LINGO2: variants seen among roughly 807,000 people sequenced by gnomAD.
LINGO2 encodes the protein leucine-rich repeat and immunoglobulin-like domain-containing nogo receptor-interacting protein 2.
Under a neutral mutation model 30.6 loss-of-function variants are expected in LINGO2, and 14 were observed. The observed-to-expected ratio is 0.46, with a 90% CI of 0.30 to 0.72. LINGO2 has a LOEUF of 0.72. Ranked by LOEUF, LINGO2 falls within the 30% of genes least tolerant of loss-of-function variation. LINGO2 has a pLI of 0.07. For missense variants in LINGO2, 729 were observed against 751.7 expected (o/e 0.97, Z 0.35); for synonymous variants, 317 against 288.5 (o/e 1.10, Z -1.00).
At chr9:29,004,439 A>T in the LINGO2 span, among the ~76,000 whole-genome samples, 1 of 151,962 alleles carries the variant, frequency 6.6e-6, no homozygotes, top group Non-Finnish European at 1.5e-5. Context: ...GTATTGAGAA[A>T]TGCCACAAGT....
chr9:28,600,650 T>C (rs1283442839), intron 1 of LINGO2, among the ~76,000 whole-genome samples: 1 of 152,050 alleles, frequency 6.6e-6, no homozygotes, highest in Non-Finnish European at 1.5e-5. Flanking sequence ...AAGGTCAAAA[T>C]GAGCTACAAA....
intron 1 of LINGO2, among the ~76,000 whole-genome samples, chr9:28,622,952 A>G (rs1453083591): frequency 1.3e-5 from 2 of 151,934 alleles, no homozygotes; most frequent in East Asian, 3.9e-4. Flanking sequence ...GATGTCAAGC[A>G]CCTTATTATA....
the LINGO2 span, among the ~76,000 whole-genome samples, chr9:28,959,714 A>T: frequency 3.3e-5 from 5 of 151,974 alleles, no homozygotes; most frequent in African/African-American, 1.2e-4. Flanking sequence ...CTGAATAGTG[A>T]CAAACAGAAT....
At chr9:28,486,804 T>C (rs980062638) in intron 1 of LINGO2, among the ~76,000 whole-genome samples, 1 of 151,944 alleles carries the variant, frequency 6.6e-6, no homozygotes, top group African/African-American at 2.4e-5. Flanking sequence ...AAAATAATAA[T>C]AAAATAGTGA....
chr9:28,593,698 A>T (rs1018342733), intron 1 of LINGO2, among the ~76,000 whole-genome samples: 1 of 136,640 alleles, frequency 7.3e-6, no homozygotes, highest in African/African-American at 2.6e-5. Context: ...TCATTTCACC[A>T]GAAAGTACTG....
the LINGO2 span, among the ~76,000 whole-genome samples, chr9:28,828,742 G>C: frequency 6.6e-6 from 1 of 152,070 alleles, no homozygotes; most frequent in African/African-American, 2.4e-5. Flanking sequence ...CAGAAGTATG[G>C]GTCTGAAAAT....
chr9:28,179,357 C>G (rs1206063517), intron 4 of LINGO2, among the ~76,000 whole-genome samples: 2 of 104,268 alleles, frequency 1.9e-5, no homozygotes, highest in African/African-American at 6.9e-5. Context: ...TATGTATATA[C>G]TATATGTATG....
At chr9:28,544,054 T>C (rs1244547631) in intron 1 of LINGO2, among the ~76,000 whole-genome samples, 1 of 151,814 alleles carries the variant, frequency 6.6e-6, no homozygotes, top group Non-Finnish European at 1.5e-5. Context: ...AATACAAAAA[T>C]TAGCTGGGCA....
At chr9:28,986,172 C>T in the LINGO2 span, among the ~76,000 whole-genome samples, 3 of 151,702 alleles carry the variant, frequency 2.0e-5, no homozygotes, top group African/African-American at 7.3e-5. Flanking sequence ...ACTGTATATG[C>T]CTTGGTTCAT....
At chr9:29,210,691 C>T in the LINGO2 span, among the ~76,000 whole-genome samples, 1 of 152,146 alleles carries the variant, frequency 6.6e-6, no homozygotes, top group Admixed American at 6.5e-5. Context: ...ATTCCCACTA[C>T]AGTAAAATTA....
the LINGO2 span, among the ~76,000 whole-genome samples, chr9:28,890,652 C>A: frequency 1.3e-5 from 2 of 152,020 alleles, no homozygotes; most frequent in African/African-American, 2.4e-5. Context: ...ATAACCTCCT[C>A]ATTATGTGGC....
chr9:28,608,955 G>A (rs991161748), intron 1 of LINGO2, among the ~76,000 whole-genome samples: 1 of 151,888 alleles, frequency 6.6e-6, no homozygotes, highest in African/African-American at 2.4e-5. Flanking sequence ...TTTGGTTTTT[G>A]GGTGGATTTT....
intron 3 of LINGO2, among the ~76,000 whole-genome samples, chr9:28,359,387 G>C (rs972692695): frequency 1.3e-5 from 2 of 151,768 alleles, no homozygotes; most frequent in African/African-American, 4.8e-5. Flanking sequence ...CTTCTTCATT[G>C]CCAAACACAA....
the LINGO2 span, among the ~76,000 whole-genome samples, chr9:29,050,613 T>C: frequency 6.6e-6 from 1 of 152,212 alleles, no homozygotes; most frequent in African/African-American, 2.4e-5. Context: ...GATGTTTGTG[T>C]CTATGCACTT....
chr9:29,017,833 C>T, the LINGO2 span, among the ~76,000 whole-genome samples: 1 of 151,834 alleles, frequency 6.6e-6, no homozygotes, highest in Non-Finnish European at 1.5e-5. Context: ...TAGACTGACA[C>T]GGAGAATTGC....
chr9:27,997,840 T>C (rs1253330025), intron 5 of LINGO2, among the ~76,000 whole-genome samples: 1 of 152,044 alleles, frequency 6.6e-6, no homozygotes, highest in Non-Finnish European at 1.5e-5. Context: ...CCAAGCAAAT[T>C]ATTCCTTCCC....
intron 4 of LINGO2, among the ~76,000 whole-genome samples, chr9:28,293,561 G>T (rs1042638399): frequency 1.3e-4 from 19 of 152,000 alleles, no homozygotes; most frequent in Non-Finnish European, 2.4e-4. Flanking sequence ...ATATTTTGTT[G>T]TTGGGTGGAG....
the LINGO2 span, among the ~76,000 whole-genome samples, chr9:29,195,755 G>A: frequency 1.3e-5 from 2 of 152,182 alleles, no homozygotes; most frequent in African/African-American, 2.4e-5. Flanking sequence ...ACTTTATGAC[G>A]AAAGATTCTT....
chr9:28,016,193 G>T (rs1194693055), intron 4 of LINGO2, among the ~76,000 whole-genome samples: 1 of 151,822 alleles, frequency 6.6e-6, no homozygotes, highest in African/African-American at 2.4e-5. Context: ...ATTGCTTTAG[G>T]TTCCAAATGG....
Sources: allele counts gnomAD v4.1 joint callset (sites outside exome capture counted in the v4.1 genomes callset), GRCh38; gene constraint gnomAD v4.1.1; transcripts MANE v1.5; gene names NCBI Gene and HGNC (gene_info 2026-07-23, HGNC 2026-07-21).